The following INTS8 variants were observed in gnomAD, a reference collection of about 807,000 sequenced individuals.
INTS8 encodes the protein integrator complex subunit 8.
A neutral mutation model predicts 138.9 loss-of-function variants in INTS8; 47 were observed. That is an observed-to-expected ratio of 0.34 (90% CI 0.27 to 0.43). The LOEUF is 0.43. Ranked by LOEUF, INTS8 falls within the 20% of genes least tolerant of loss-of-function variation. The probability of loss-of-function intolerance (pLI) is 1.00; values close to 1 mark genes in which losing one functional copy is unlikely to be tolerated. For synonymous variants in INTS8, 392 were observed against 400.9 expected, an observed-to-expected ratio of 0.98 and a Z score of 0.27; for missense variants, 996 against 1,173.0, an observed-to-expected ratio of 0.85 and a Z score of 2.20.
intron 7 of INTS8, 48 bp downstream of exon 7, chr8:94,836,679 C>A: frequency 1.7e-6 from 2 of 1,165,816 alleles, no homozygotes; most frequent in Non-Finnish European, 2.5e-6. Flanking sequence ...TTTAAAACAT[C>A]TATACATTTT....
chr8:94,852,928 T>G (rs1421513026), intron 13 of INTS8, among the ~76,000 whole-genome samples: 1 of 152,114 alleles, frequency 6.6e-6, no homozygotes, highest in Non-Finnish European at 1.5e-5. Context: ...AAAATTGGGT[T>G]TAAACATACT....
intron 10 of INTS8, among the ~76,000 whole-genome samples, chr8:94,845,899 T>A (rs1364593033): frequency 1.3e-5 from 2 of 152,098 alleles, no homozygotes; most frequent in African/African-American, 4.8e-5. Context: ...TTAGAAAAAA[T>A]TTTATGGGCG....
At chr8:94,872,785 T>C (rs781151315) in intron 21 of INTS8, among the ~76,000 whole-genome samples, 1 of 152,158 alleles carries the variant, frequency 6.6e-6, no homozygotes, top group Admixed American at 6.6e-5. Flanking sequence ...TCAGAATCTG[T>C]GTTTTAGGAG....
intron 2 of INTS8, among the ~76,000 whole-genome samples, chr8:94,826,218 A>G (rs1441628725): frequency 6.6e-6 from 1 of 152,240 alleles, no homozygotes; most frequent in Non-Finnish European, 1.5e-5. Flanking sequence ...TATTCTCACC[A>G]GTAGTATTCA....
intron 6 of INTS8, among the ~76,000 whole-genome samples, chr8:94,834,366 T>G (rs973111287): frequency 2.2e-5 from 3 of 136,262 alleles, no homozygotes; most frequent in Non-Finnish European, 4.7e-5. Context: ...TGCATGGGTG[T>G]GTGTGTGTGT....
chr8:94,832,201 A>G, intron 6 of INTS8, 27 bp downstream of exon 6: 1 of 1,582,122 alleles, frequency 6.3e-7, no homozygotes, highest in Non-Finnish European at 8.6e-7. Context: ...TAATTTACGT[A>G]GGGCAATTTT....
chr8:94,872,142 T>C (rs1816419141), intron 21 of INTS8, 140 bp downstream of exon 21: 4 of 565,656 alleles, frequency 7.1e-6, no homozygotes, highest in Non-Finnish European at 1.2e-5. Flanking sequence ...GCAGTAAAAG[T>C]ATTTGTACTT....
At chr8:94,834,095 A>G (rs1214264317) in intron 6 of INTS8, among the ~76,000 whole-genome samples, 2 of 152,222 alleles carry the variant, frequency 1.3e-5, no homozygotes, top group African/African-American at 4.8e-5. Context: ...TTACATTACT[A>G]AAATTTACCT....
intron 13 of INTS8, 88 bp downstream of exon 13, chr8:94,851,774 A>T (rs1363723222): frequency 1.9e-6 from 2 of 1,058,026 alleles, no homozygotes; most frequent in Non-Finnish European, 1.4e-6. Context: ...CCTTTTTGAT[A>T]ATAAGGACCT....
At chr8:94,851,937 T>C (rs1242314393) in intron 13 of INTS8, among the ~76,000 whole-genome samples, 1 of 152,204 alleles carries the variant, frequency 6.6e-6, no homozygotes, top group Non-Finnish European at 1.5e-5. Context: ...AATATACGCA[T>C]TTTATTTCAT....
At chr8:94,871,044 C>T (rs892730772) in intron 20 of INTS8, among the ~76,000 whole-genome samples, 2 of 152,080 alleles carry the variant, frequency 1.3e-5, no homozygotes, top group African/African-American at 2.4e-5. Flanking sequence ...CCATTAGGCC[C>T]CTGAAGCATC....
chr8:94,857,693 C>G (rs1265417905), intron 15 of INTS8, among the ~76,000 whole-genome samples: 1 of 152,184 alleles, frequency 6.6e-6, no homozygotes, highest in Non-Finnish European at 1.5e-5. Context: ...CTGCTGCTGT[C>G]TTCACATGGC....
chr8:94,835,012 TAG>T (rs1375918670), intron 6 of INTS8, among the ~76,000 whole-genome samples: 5 of 152,166 alleles, frequency 3.3e-5, no homozygotes, highest in Non-Finnish European at 5.9e-5. Context: ...GTGATTAAAA[TAG>T]AGCACAGTGG....
chr8:94,864,584 T>G (rs1228750268), intron 16 of INTS8: 2 of 152,268 alleles, frequency 1.3e-5, no homozygotes, highest in Admixed American at 1.3e-4. Context: ...GACACATGCC[T>G]GTAATTCCAG....
rs139910373 is a variant in INTS8 at position 94,840,658 on chromosome 8, A to C, written c.1018-833A>C. Among the ~76,000 whole-genome samples, 624 of 150,992 alleles carry C rather than the reference A, an allele frequency of 4.1e-3. 6 individuals carry two copies. The highest frequency in any genetic ancestry group is 0.015 in the African/African-American group (599 of 41,080). ...CTGCAACCTCTGCTGCCCGGGTCCA[A>C]GTGATTCTTCTGCCTCAGCCTCCCG... is the stretch of plus-strand genomic sequence containing the variant. On this transcript the variant is annotated intron_variant, in intron 8 of 26. Coordinates refer to ENST00000523731, the MANE Select transcript of INTS8 (RefSeq NM_017864.4).
intron 18 of INTS8, chr8:94,866,492 C>T: frequency 3.3e-6 from 1 of 303,658 alleles, no homozygotes; most frequent in East Asian, 8.7e-5. Context: ...CCCTTGTTGC[C>T]CAGGCTAGTT....
intron 23 of INTS8, among the ~76,000 whole-genome samples, chr8:94,875,571 C>A (rs1457897955): frequency 6.6e-6 from 1 of 152,086 alleles, no homozygotes; most frequent in East Asian, 1.9e-4. Context: ...GGTGAATATA[C>A]TAAAAACCAC....
rs75566084 is a variant in INTS8, at chr8:94,823,314, G to T, written c.-118G>T. The T allele has an allele frequency of 2.0e-6, 3 of 1,521,432 alleles. No individual in the cohort carries two copies. The East Asian group carries it at 7.4e-5, about 37-fold the overall frequency. The allele number at this position is 1,521,432 out of a possible 1,614,324, so 94.2% of individuals were successfully genotyped here. A position where few individuals can be genotyped will look rare whatever the true frequency, so the allele number is the denominator to read the frequency against. On this transcript the variant is annotated 5_prime_UTR_variant, in exon 1 of 27. Coordinates refer to ENST00000523731, the MANE Select transcript of INTS8 (RefSeq NM_017864.4). Reference sequence around the variant, plus strand: ...CATTTTGGATTGTGTGAGTTTCCGGGACGTTCGGAGGGTGGCCTCTCTCCC... The same window carrying T: ...CATTTTGGATTGTGTGAGTTTCCGGTACGTTCGGAGGGTGGCCTCTCTCCC...
chr8:94,859,894 G>A (rs1815889768), intron 16 of INTS8: 1 of 348,106 alleles, frequency 2.9e-6, no homozygotes, highest in South Asian at 3.5e-5. Context: ...GTAATCCTAA[G>A]TAATGAGAGA....
Sources: allele counts gnomAD v4.1 joint callset (sites outside exome capture counted in the v4.1 genomes callset), GRCh38; gene constraint gnomAD v4.1.1; transcripts MANE v1.5; gene names NCBI Gene and HGNC (gene_info 2026-07-23, HGNC 2026-07-21).